The following PCDHA12 variants were observed in gnomAD, a reference collection of about 807,000 sequenced individuals.
The protein encoded by PCDHA12 is protocadherin alpha 12, also known as protocadherin alpha-12.
A neutral mutation model predicts 60.0 loss-of-function variants in PCDHA12; 44 were observed. The observed-to-expected ratio is 0.73, with a 90% CI of 0.58 to 0.94. PCDHA12 has a LOEUF of 0.94. PCDHA12 is among the 40% of genes least tolerant of loss of function. The probability of loss-of-function intolerance (pLI) is 0.00; values close to 1 mark genes in which losing one functional copy is unlikely to be tolerated. For missense variants in PCDHA12, 1,276 were observed against 1,239.7 expected (o/e 1.03, Z -0.44); for synonymous variants, 569 against 553.0 (o/e 1.03, Z -0.40).
intron 1 of PCDHA12, chr5:140,967,146 AC>A: frequency 6.2e-7 from 1 of 1,610,972 alleles, no homozygotes; most frequent in Non-Finnish European, 8.5e-7. Context: ...CTGGCGCACA[AC>A]CCCGTGGCGG....
At chr5:140,966,527 G>C (rs1328867902) in intron 1 of PCDHA12, 2 of 444,184 alleles carry the variant, frequency 4.5e-6, no homozygotes, top group Non-Finnish European at 7.8e-6. Context: ...AAGCCGAGCC[G>C]GGTTGAGCGA....
intron 1 of PCDHA12, 127 bp from the exon 2 acceptor site, chr5:140,978,822 A>G: frequency 6.6e-7 from 1 of 1,521,216 alleles, no homozygotes; most frequent in Non-Finnish European, 8.8e-7. Context: ...GTTACACATG[A>G]AATGGCTCAT....
At chr5:140,965,314 T>C (rs563123453) in intron 1 of PCDHA12, among the ~76,000 whole-genome samples, 1 of 152,254 alleles carries the variant, frequency 6.6e-6, no homozygotes, top group East Asian at 1.9e-4. Flanking sequence ...TACCTTCTCT[T>C]TTACTGAAGT....
chr5:140,995,386 A>G (rs1156268381), intron 3 of PCDHA12, among the ~76,000 whole-genome samples: 1 of 152,202 alleles, frequency 6.6e-6, no homozygotes, highest in Non-Finnish European at 1.5e-5. Context: ...TGGGCAGGAT[A>G]AAGCGGGATG....
intron 1 of PCDHA12, among the ~76,000 whole-genome samples, chr5:140,916,610 A>G (rs1002556327): frequency 6.6e-6 from 1 of 152,196 alleles, no homozygotes; most frequent in Non-Finnish European, 1.5e-5. Flanking sequence ...TGCGGGCCTC[A>G]TGACTCTACT....
At position 140,880,762 on chromosome 5, in the gene PCDHA12, G is replaced by A. The variant is rs2153374847; in HGVS notation, c.2367+2923G>A. 3.9e-5 allele frequency among the ~76,000 whole-genome samples: 6 copies of A among 152,350 alleles called. No homozygotes were observed. The Middle Eastern group carries it at 0.014, about 345-fold the overall frequency. On this transcript the variant is annotated intron_variant, in intron 1 of 3. Coordinates refer to ENST00000398631, the MANE Select transcript of PCDHA12 (RefSeq NM_018903.4). ...GGATTGTCAGTGTAACTGCGTGTTGGAGGCTAAAAAGAATGTTAGAGGAGT... is the reference window on the plus strand; with the variant it reads ...GGATTGTCAGTGTAACTGCGTGTTGAAGGCTAAAAAGAATGTTAGAGGAGT...
At chr5:140,975,213 G>A (rs1205237242) in intron 1 of PCDHA12, among the ~76,000 whole-genome samples, 2 of 152,178 alleles carry the variant, frequency 1.3e-5, no homozygotes, top group African/African-American at 4.8e-5. Context: ...GGCTGGCACT[G>A]GAGAATCTTC....
At chr5:140,962,673 C>T (rs1409804701) in intron 1 of PCDHA12, among the ~76,000 whole-genome samples, 2 of 152,164 alleles carry the variant, frequency 1.3e-5, no homozygotes, top group African/African-American at 4.8e-5. Flanking sequence ...TTCCCATCCA[C>T]TGGATGTTTT....
At chr5:140,917,278 C>T (rs188364646) in intron 1 of PCDHA12, among the ~76,000 whole-genome samples, 198 of 143,570 alleles carry the variant, frequency 1.4e-3, no homozygotes, top group South Asian at 9.8e-3. Flanking sequence ...TTTGTAATGA[C>T]GCTTTTCCGT....
chr5:140,949,958 T>G (rs1192385409), intron 1 of PCDHA12, among the ~76,000 whole-genome samples: 1 of 151,896 alleles, frequency 6.6e-6, no homozygotes, highest in Non-Finnish European at 1.5e-5. Context: ...GTGGTTGCTG[T>G]AAGGATTACA....
In PCDHA12 at chr5:140,949,770, T is replaced by C. The variant is rs955982016; in HGVS notation, c.2368-29179T>C. On this transcript the variant is annotated intron_variant, in intron 1 of 3. Coordinates refer to ENST00000398631, the MANE Select transcript of PCDHA12 (RefSeq NM_018903.4). ...TTAGCCCATTCACATTAGTGTAATA[T>C]TTGATATGTTTAGATTTGTGTCCTT... Among the ~76,000 whole-genome samples, 3 of 152,026 alleles carry C rather than the reference T, an allele frequency of 2.0e-5. 1 individual carries two copies. The highest frequency in any genetic ancestry group is 6.8e-3 in the Middle Eastern group (2 of 294).
intron 2 of PCDHA12, among the ~76,000 whole-genome samples, chr5:140,980,144 T>C (rs2096877989): frequency 6.6e-6 from 1 of 152,172 alleles, no homozygotes; most frequent in Admixed American, 6.6e-5. Flanking sequence ...GAAACATTCA[T>C]GCATATACCA....
At chr5:140,968,236 T>C in intron 1 of PCDHA12, 1 of 1,614,006 alleles carries the variant, frequency 6.2e-7, no homozygotes, top group East Asian at 2.2e-5. Flanking sequence ...TGCTCTGTAC[T>C]GTGCAAGCCA....
intron 1 of PCDHA12, among the ~76,000 whole-genome samples, chr5:140,897,653 G>A (rs1446334429): frequency 1.3e-5 from 2 of 152,100 alleles, no homozygotes; most frequent in Non-Finnish European, 2.9e-5. Flanking sequence ...AAACATACGT[G>A]TGCATGTGTC....
In PCDHA12 at chr5:140,875,904, A is replaced by G; in HGVS notation, c.432A>G (p.Glu144=). 1.9e-6 allele frequency: 3 copies of G among 1,614,194 alleles called. No individual in the cohort carries two copies. The highest frequency in any genetic ancestry group is 2.5e-6 in the Non-Finnish European group (3 of 1,180,026). The stretch of plus-strand genomic sequence containing the variant: ...GGGAACAAAAGGTACCTGTTTCTGA[A>G]TCTGCGCCTCTGGACTCTCATTTTC... The part of the protein sequence containing the change: ...REREQKVPVS[E]SAPLDSHFPL... The change falls in exon 1 of 4, where the codon GAA becomes GAG. Residue 144 remains glutamate, a synonymous_variant. Coordinates refer to ENST00000398631, the MANE Select transcript of PCDHA12 (RefSeq NM_018903.4).
intron 1 of PCDHA12, among the ~76,000 whole-genome samples, chr5:140,976,501 A>G (rs568983330): frequency 6.6e-6 from 1 of 152,240 alleles, no homozygotes; most frequent in East Asian, 1.9e-4. Context: ...CAGGGAGCCA[A>G]GATCGCGCCA....
chr5:140,957,746 AG>A (rs1173855054), intron 1 of PCDHA12, among the ~76,000 whole-genome samples: 1 of 152,136 alleles, frequency 6.6e-6, no homozygotes, highest in Non-Finnish European at 1.5e-5. Flanking sequence ...CTGACATGAA[AG>A]GATGTTCATT....
chr5:140,939,811 A>G (rs1554212933), intron 1 of PCDHA12, among the ~76,000 whole-genome samples: 1 of 152,224 alleles, frequency 6.6e-6, no homozygotes, highest in African/African-American at 2.4e-5. Context: ...CATGTTCAAG[A>G]AAAAGCAGTA....
At position 140,953,880 on chromosome 5, in the gene PCDHA12, C is replaced by T. The variant is rs56350351; in HGVS notation, c.2368-25069C>T. On this transcript the variant is annotated intron_variant, in intron 1 of 3. Coordinates refer to ENST00000398631, the MANE Select transcript of PCDHA12 (RefSeq NM_018903.4). ...TGGTGGTTTGCTGCACAGATCAACCCATCACCTAGGTATTAAGCCCAGCAT... is the reference window on the plus strand; with the variant it reads ...TGGTGGTTTGCTGCACAGATCAACCTATCACCTAGGTATTAAGCCCAGCAT... Among the ~76,000 whole-genome samples, 609 of 152,246 alleles carry T rather than the reference C, an allele frequency of 4.0e-3. 7 individuals are homozygous for T. Among genetic ancestry groups the T allele is most frequent in the African/African-American group, 0.014 (577 of 41,548 alleles).
Sources: gnomAD v4.1 joint callset for allele counts (sites outside exome capture counted in the v4.1 genomes callset) on GRCh38, gnomAD v4.1.1 for gene constraint, MANE v1.5 for transcripts, NCBI Gene and HGNC (gene_info 2026-07-23, HGNC 2026-07-21) for gene names.